The following VPS13B variants were observed in gnomAD, a reference collection of about 807,000 sequenced individuals.
The protein encoded by VPS13B is vacuolar protein sorting 13 homolog B, also known as intermembrane lipid transfer protein VPS13B.
A neutral mutation model predicts 426.4 loss-of-function variants in VPS13B; 285 were observed. That is an observed-to-expected ratio of 0.67 (90% CI 0.61 to 0.74). The LOEUF (loss-of-function observed/expected upper bound fraction) is 0.74. Among genes scored for constraint, VPS13B ranks in the 30% least tolerant of loss-of-function variants. The probability of loss-of-function intolerance (pLI) is 0.00; values close to 1 mark genes in which losing one functional copy is unlikely to be tolerated. For missense variants in VPS13B, 4,537 were observed against 4,782.6 expected (o/e 0.95, Z 1.51); for synonymous variants, 1,676 against 1,676.4 (o/e 1.00, Z 0.01).
intron 54 of VPS13B, among the ~76,000 whole-genome samples, chr8:99,842,748 T>C (rs551546016): frequency 1.3e-4 from 20 of 152,288 alleles, no homozygotes; most frequent in African/African-American, 4.3e-4. Context: ...ACTGAGTACA[T>C]AGAAAAGCAG....
intron 17 of VPS13B, among the ~76,000 whole-genome samples, chr8:99,226,912 G>C (rs1816052792): frequency 6.6e-6 from 1 of 151,988 alleles, no homozygotes; most frequent in African/African-American, 2.4e-5. Flanking sequence ...CTTTCTTTGA[G>C]TTACTTCAAA....
intron 25 of VPS13B, among the ~76,000 whole-genome samples, chr8:99,498,103 T>C (rs1821030662): frequency 6.6e-6 from 1 of 152,110 alleles, no homozygotes; most frequent in Non-Finnish European, 1.5e-5. Context: ...TGTCTTTAAA[T>C]TATTGGCTAC....
chr8:99,139,774 A>G (rs1810297394), intron 12 of VPS13B, among the ~76,000 whole-genome samples: 1 of 151,990 alleles, frequency 6.6e-6, no homozygotes, highest in Admixed American at 6.6e-5. Context: ...TTTACCTGAA[A>G]CAAGAAATTT....
chr8:99,695,263 G>T (rs1831911544), intron 35 of VPS13B, among the ~76,000 whole-genome samples: 1 of 148,416 alleles, frequency 6.7e-6, no homozygotes, highest in African/African-American at 2.4e-5. Flanking sequence ...GTTTATTGCG[G>T]CATTATTCAC....
chr8:99,365,408 A>T (rs1310027454), intron 19 of VPS13B, among the ~76,000 whole-genome samples: 1 of 151,436 alleles, frequency 6.6e-6, no homozygotes, highest in African/African-American at 2.4e-5. Context: ...GTTTATAGCT[A>T]TAAACTTAGT....
rs139096781 is a variant in VPS13B, at chr8:99,477,848, C to T, written c.3667-3751C>T. ...ATCTGGGTTGAATATTTGGTGCTTT[C>T]GTGACTAGAAGAGATTTCTGTTATC... On this transcript the variant is annotated intron_variant, in intron 24 of 61. Coordinates refer to ENST00000357162, the MANE Select transcript of VPS13B (RefSeq NM_152564.5). Among the ~76,000 whole-genome samples the T allele has an allele frequency of 5.3e-4, 80 of 152,192 alleles. 1 individual carries two copies. In the East Asian group the frequency reaches 0.013, roughly 25 times the overall value.
At chr8:99,069,956 T>G (rs925452667) in intron 3 of VPS13B, among the ~76,000 whole-genome samples, 1 of 152,146 alleles carries the variant, frequency 6.6e-6, no homozygotes, top group African/African-American at 2.4e-5. Flanking sequence ...CAGGCAGGAG[T>G]GTGGTGGCAC....
intron 33 of VPS13B, among the ~76,000 whole-genome samples, chr8:99,613,026 C>T (rs1451880636): frequency 6.6e-6 from 1 of 152,096 alleles, no homozygotes; most frequent in Non-Finnish European, 1.5e-5. Context: ...TATGTGAAAC[C>T]ACCCTTGTAT....
At chr8:99,598,247 A>G (rs1827113643) in intron 33 of VPS13B, among the ~76,000 whole-genome samples, 1 of 152,086 alleles carries the variant, frequency 6.6e-6, no homozygotes, top group South Asian at 2.1e-4. Context: ...GATAATAGTC[A>G]TCTGTAATTA....
Position 99,677,888 on chromosome 8 carries a change from C to T in VPS13B, c.6046+16397C>T, listed in dbSNP as rs1831005542. On this transcript the variant is annotated intron_variant, in intron 35 of 61. Transcript: ENST00000357162. ...GAACATTTTCTGGCTTATCCTAACT[C>T]TAACTTTCCAACTTTCTGCCTGCAG... Among the ~76,000 whole-genome samples, 3 of 152,166 alleles carry T rather than the reference C, an allele frequency of 2.0e-5. No individual in the cohort carries two copies. The South Asian group carries it at 6.2e-4, about 32-fold the overall frequency.
At chr8:99,319,453 A>G (rs1809856178) in intron 19 of VPS13B, among the ~76,000 whole-genome samples, 2 of 152,200 alleles carry the variant, frequency 1.3e-5, no homozygotes, top group Non-Finnish European at 2.9e-5. Flanking sequence ...AATTCAAGTA[A>G]TTATCTACAG....
intron 29 of VPS13B, among the ~76,000 whole-genome samples, chr8:99,518,611 T>A (rs1284441944): frequency 6.6e-6 from 1 of 152,196 alleles, no homozygotes; most frequent in African/African-American, 2.4e-5. Flanking sequence ...CCTCCCTTCA[T>A]GGTTATCTTA....
chr8:99,835,356 C>T (rs1243551239), intron 53 of VPS13B, 32 bp downstream of exon 53: 1 of 1,595,520 alleles, frequency 6.3e-7, no homozygotes, highest in Admixed American at 1.7e-5. Context: ...TTAGATAATA[C>T]TAAATGTGTA....
chr8:99,501,563 T>G (rs752927003), intron 25 of VPS13B, 124 bp from the exon 26 acceptor site: 1 of 925,682 alleles, frequency 1.1e-6, no homozygotes, highest in Non-Finnish European at 1.6e-6. Flanking sequence ...TTTATATGAT[T>G]ATCATTTGCA....
chr8:99,350,144 G>C (rs192886504), intron 19 of VPS13B, among the ~76,000 whole-genome samples: 2 of 151,946 alleles, frequency 1.3e-5, no homozygotes, highest in Non-Finnish European at 2.9e-5. Flanking sequence ...CAAGATGATG[G>C]CTTTTCAAAC....
intron 33 of VPS13B, among the ~76,000 whole-genome samples, chr8:99,634,091 G>T (rs1172768427): frequency 6.6e-6 from 1 of 151,800 alleles, no homozygotes; most frequent in Non-Finnish European, 1.5e-5. Flanking sequence ...ATAAGCTTAT[G>T]CTGTGAAATC....
intron 33 of VPS13B, among the ~76,000 whole-genome samples, chr8:99,621,136 G>A (rs1828332839): frequency 6.6e-6 from 1 of 152,052 alleles, no homozygotes; most frequent in Non-Finnish European, 1.5e-5. Flanking sequence ...ACAGAATTTT[G>A]TTGTTGGTTT....
rs150231783 is a variant in VPS13B at position 99,271,621 on chromosome 8, A to G, written c.2516-2577A>G. Reference sequence around the variant, plus strand: ...CCTGAGACTGGGTAATTTAAAAAGGAAAGACACTTGATTGACTCACAGTTC... The same window carrying G: ...CCTGAGACTGGGTAATTTAAAAAGGGAAGACACTTGATTGACTCACAGTTC... On this transcript the variant is annotated intron_variant, in intron 17 of 61. Transcript: ENST00000357162. 2.8e-3 allele frequency among the ~76,000 whole-genome samples: 420 copies of G among 152,334 alleles called. 2 individuals are homozygous for G. The highest frequency in any genetic ancestry group is 9.5e-3 in the African/African-American group (394 of 41,576).
chr8:99,750,659 G>A lies in VPS13B; in HGVS notation c.7051-16115G>A, dbSNP rs374538447. On this transcript the variant is annotated intron_variant, in intron 39 of 61. Coordinates refer to ENST00000357162, the MANE Select transcript of VPS13B (RefSeq NM_152564.5). ...GAGATTAGTGCTTATTCTACACAAG[G>A]CACCATTGTGGAGAGACAGGCAGTT... Among the ~76,000 whole-genome samples, 18 of 152,202 alleles carry A rather than the reference G, an allele frequency of 1.2e-4. 2 individuals are homozygous for A. Among genetic ancestry groups the A allele is most frequent in the African/African-American group, 4.3e-4 (18 of 41,542 alleles).
Sources: allele counts gnomAD v4.1 joint callset (sites outside exome capture counted in the v4.1 genomes callset), GRCh38; gene constraint gnomAD v4.1.1; transcripts MANE v1.5; gene names NCBI Gene and HGNC (gene_info 2026-07-23, HGNC 2026-07-21).